The following MACROD2 variants were observed in gnomAD, a reference collection of about 807,000 sequenced individuals.
The protein encoded by MACROD2 is mono-ADP ribosylhydrolase 2, also known as ADP-ribose glycohydrolase MACROD2.
Under a neutral mutation model 70.4 loss-of-function variants are expected in MACROD2, and 36 were observed. That is an observed-to-expected ratio of 0.51 (90% CI 0.39 to 0.68). The LOEUF is 0.68. Ranked by LOEUF, MACROD2 falls within the 30% of genes least tolerant of loss-of-function variation. The probability of loss-of-function intolerance (pLI) is 0.00; values close to 1 mark genes in which losing one functional copy is unlikely to be tolerated. For synonymous variants in MACROD2, 172 were observed against 178.8 expected (o/e 0.96, Z 0.30); for missense variants, 496 against 538.4 (o/e 0.92, Z 0.78).
At chr20:14,522,033 C>CTTA (rs1220108139) in intron 4 of MACROD2, among the ~76,000 whole-genome samples, 1 of 152,116 alleles carries the variant, frequency 6.6e-6, no homozygotes, top group Admixed American at 6.5e-5. Flanking sequence ...TGAAGCCTTC[C>CTTA]CGTCGAAGCC....
chr20:15,458,702 C>T (rs890675481), intron 7 of MACROD2, among the ~76,000 whole-genome samples: 4 of 149,554 alleles, frequency 2.7e-5, no homozygotes, highest in South Asian at 2.1e-4. Context: ...CTGAGATTGT[C>T]ATTGGTGATA....
intron 5 of MACROD2, among the ~76,000 whole-genome samples, chr20:14,866,853 T>G (rs2073433327): frequency 6.6e-6 from 1 of 152,118 alleles, no homozygotes; most frequent in Non-Finnish European, 1.5e-5. Context: ...AATATGCATT[T>G]GCTTTAGGTT....
intron 6 of MACROD2, among the ~76,000 whole-genome samples, chr20:15,385,556 A>C (rs996463646): frequency 2.6e-5 from 4 of 152,078 alleles, no homozygotes; most frequent in Non-Finnish European, 5.9e-5. Flanking sequence ...CGTGTTCTTG[A>C]CGTTAGTGTC....
At chr20:15,331,591 A>T (rs757547313) in intron 6 of MACROD2, among the ~76,000 whole-genome samples, 6 of 151,752 alleles carry the variant, frequency 4.0e-5, no homozygotes, top group Non-Finnish European at 7.4e-5. Context: ...AGTCCTCAGA[A>T]CATAAGCTCT....
chr20:16,023,036 A>T (rs556732170), intron 15 of MACROD2, among the ~76,000 whole-genome samples: 2 of 152,214 alleles, frequency 1.3e-5, no homozygotes, highest in Admixed American at 6.5e-5. Context: ...TCTACTAATG[A>T]TATCTTACTG....
chr20:15,858,310 G>C (rs545876167), intron 8 of MACROD2, among the ~76,000 whole-genome samples: 1 of 152,018 alleles, frequency 6.6e-6, no homozygotes, highest in East Asian at 1.9e-4. Flanking sequence ...CAATGCTCCT[G>C]GGCCTCAATA....
At chr20:14,051,767 A>G (rs1280952447) in intron 2 of MACROD2, 2 of 449,852 alleles carry the variant, frequency 4.4e-6, no homozygotes, top group Non-Finnish European at 8.9e-6. Flanking sequence ...ATTGATTAGT[A>G]TCAGAATAGT....
chr20:15,492,222 A>G lies in MACROD2; in HGVS notation c.572-7552A>G, dbSNP rs1568846102. On this transcript the variant is annotated intron_variant, in intron 7 of 17. Coordinates refer to ENST00000684519, the MANE Select transcript of MACROD2 (RefSeq NM_001351661.2). ...TCCTTCAGCTCATTTCTCTCAAGTA[A>G]TTTGATTTCATTGCACTATCAGAAT... is the stretch of plus-strand genomic sequence containing the variant. Among the ~76,000 whole-genome samples the G allele has an allele frequency of 2.6e-5, 4 of 152,076 alleles. 1 individual carries two copies. The East Asian group carries it at 7.7e-4, about 29-fold the overall frequency.
At chr20:14,276,453 A>G (rs2122383263) in intron 3 of MACROD2, among the ~76,000 whole-genome samples, 1 of 123,998 alleles carries the variant, frequency 8.1e-6, no homozygotes, top group South Asian at 2.9e-4. Flanking sequence ...CAGGAAGGGG[A>G]ACATCACACT....
At chr20:15,549,536 T>C (rs1408238158) in intron 8 of MACROD2, among the ~76,000 whole-genome samples, 1 of 152,248 alleles carries the variant, frequency 6.6e-6, no homozygotes, top group Non-Finnish European at 1.5e-5. Context: ...CTGGATACTT[T>C]GTGAGGCCTT....
intron 5 of MACROD2, among the ~76,000 whole-genome samples, chr20:14,963,367 G>A (rs2074601765): frequency 1.3e-5 from 2 of 152,242 alleles, no homozygotes; most frequent in African/African-American, 2.4e-5. Flanking sequence ...TCAGGGGAAG[G>A]AGACCTGGGA....
At chr20:14,928,567 T>C (rs2074260940) in intron 5 of MACROD2, among the ~76,000 whole-genome samples, 1 of 152,146 alleles carries the variant, frequency 6.6e-6, no homozygotes, top group African/African-American at 2.4e-5. Context: ...TTAATATCAA[T>C]GCTGAGATTG....
intron 8 of MACROD2, among the ~76,000 whole-genome samples, chr20:15,807,639 T>TG (rs1226905162): frequency 2.0e-5 from 3 of 152,208 alleles, no homozygotes; most frequent in Non-Finnish European, 4.4e-5. Flanking sequence ...AATAATTTTT[T>TG]ATATTGATTG....
chr20:15,351,826 C>T (rs1391277624), intron 6 of MACROD2, among the ~76,000 whole-genome samples: 3 of 152,150 alleles, frequency 2.0e-5, no homozygotes, highest in African/African-American at 7.2e-5. Flanking sequence ...GCATGCCAAA[C>T]ATTTTTTTAG....
intron 5 of MACROD2, among the ~76,000 whole-genome samples, chr20:15,138,937 G>A (rs1405484768): frequency 6.6e-6 from 1 of 152,128 alleles, no homozygotes; most frequent in Non-Finnish European, 1.5e-5. Flanking sequence ...CAGCAGGAGA[G>A]TGTTTTAGGT....
At chr20:15,660,400 T>A (rs562436765) in intron 8 of MACROD2, among the ~76,000 whole-genome samples, 1 of 148,288 alleles carries the variant, frequency 6.7e-6, no homozygotes, top group Admixed American at 7.0e-5. Context: ...TCCATGCACA[T>A]CATTTTTTTT....
At chr20:14,350,470 T>C (rs757423911) in intron 3 of MACROD2, among the ~76,000 whole-genome samples, 1 of 152,120 alleles carries the variant, frequency 6.6e-6, no homozygotes, top group Admixed American at 6.5e-5. Context: ...TGAGATGATA[T>C]CTCTTTGTAG....
rs1007036855 is a variant in MACROD2 at position 15,421,581 on chromosome 20, GA to G, written c.541-9818del. Among the ~76,000 whole-genome samples, 222 of 152,154 alleles carry G rather than the reference GA, an allele frequency of 1.5e-3. 1 individual carries two copies. The highest frequency in any genetic ancestry group is 5.1e-3 in the African/African-American group (212 of 41,480). On this transcript the variant is annotated intron_variant, in intron 6 of 17. Transcript: ENST00000684519. ...AATGATCTCCTAAGACCTACTACAT[GA>G]AAAAAGGCAAGTTCCAGAACATAAA...
At chr20:14,720,913 A>T (rs1304353275) in intron 5 of MACROD2, among the ~76,000 whole-genome samples, 1 of 152,002 alleles carries the variant, frequency 6.6e-6, no homozygotes, top group Admixed American at 6.6e-5. Context: ...CACATAATGA[A>T]TTATAAATAT....
Sources: gnomAD v4.1 joint callset for allele counts (sites outside exome capture counted in the v4.1 genomes callset) on GRCh38, gnomAD v4.1.1 for gene constraint, MANE v1.5 for transcripts, NCBI Gene and HGNC (gene_info 2026-07-23, HGNC 2026-07-21) for gene names.